Variants in ARHGAP23 observed in about 807,000 individuals in gnomAD.
The protein encoded by ARHGAP23 is rho GTPase-activating protein 23.
ARHGAP23 carries 34 observed loss-of-function variants against 136.3 expected under a neutral mutation model. The ratio of observed to expected loss-of-function variants is 0.25; its 90% confidence interval spans 0.19 to 0.33. The LOEUF is 0.33. Ranked by LOEUF, ARHGAP23 falls within the 10% of genes least tolerant of loss-of-function variation. ARHGAP23 has a pLI of 1.00. For missense variants in ARHGAP23, 1,808 were observed against 2,139.0 expected, an observed-to-expected ratio of 0.85 and a Z score of 3.05; for synonymous variants, 832 against 920.5, an observed-to-expected ratio of 0.90 and a Z score of 1.74.
chr17:38,453,477 A>C (rs868420518), intron 1 of ARHGAP23, among the ~76,000 whole-genome samples: 32 of 136,460 alleles, frequency 2.3e-4, no homozygotes, highest in Middle Eastern at 4.2e-3. Flanking sequence ...GCGCGCTGGA[A>C]GGGTGCAAGG....
At chr17:38,506,954 T>C (rs1355713896) in intron 23 of ARHGAP23, among the ~76,000 whole-genome samples, 2 of 152,138 alleles carry the variant, frequency 1.3e-5, no homozygotes, top group African/African-American at 4.8e-5. Context: ...GCTCCGTGTG[T>C]GTCGGATGAA....
intron 1 of ARHGAP23, chr17:38,453,602 T>C (rs1211014685): frequency 2.7e-5 from 4 of 146,460 alleles, no homozygotes; most frequent in Non-Finnish European, 6.0e-5. Context: ...GGGGTGTGAG[T>C]GTGAGATCTG....
intron 1 of ARHGAP23, among the ~76,000 whole-genome samples, chr17:38,439,663 A>G (rs1177961028): frequency 6.6e-6 from 1 of 152,208 alleles, no homozygotes; most frequent in African/African-American, 2.4e-5. Context: ...ATCTCTATTT[A>G]ATAACTGTGG....
Position 38,483,684 on chromosome 17 carries a change from G to A in ARHGAP23, c.2907+1006G>A, listed in dbSNP as rs1400176079. On this transcript the variant is annotated intron_variant, in intron 16 of 23. Coordinates refer to ENST00000622683, the MANE Select transcript of ARHGAP23 (RefSeq NM_001199417.2). ...CTTGGAGAATGAGGAGCTGAGACAA[G>A]TGTGTGTGAAATTGTGGACAAGAGA... Among the ~76,000 whole-genome samples, 10 of 152,256 alleles carry A rather than the reference G, an allele frequency of 6.6e-5. 1 individual carries two copies. Among genetic ancestry groups the A allele is most frequent in the Admixed American group, 5.2e-4 (8 of 15,280 alleles).
intron 17 of ARHGAP23, among the ~76,000 whole-genome samples, chr17:38,488,422 G>A (rs115431201): frequency 0.01 from 1,565 of 152,204 alleles, 20 homozygotes; most frequent in African/African-American, 0.036. Context: ...GTTGATTTGC[G>A]GGAGAAAAGC....
At chr17:38,456,774 G>A (rs138456444) in intron 1 of ARHGAP23, among the ~76,000 whole-genome samples, 1 of 152,276 alleles carries the variant, frequency 6.6e-6, no homozygotes, top group East Asian at 1.9e-4. Context: ...CTCAGGCACT[G>A]TTTTTCTTCT....
At chr17:38,484,110 C>T (rs1004916097) in intron 16 of ARHGAP23, among the ~76,000 whole-genome samples, 29 of 152,036 alleles carry the variant, frequency 1.9e-4, no homozygotes, top group African/African-American at 6.0e-4. Context: ...CCATTGGATA[C>T]GAATGCGGAG....
chr17:38,486,187 C>A, intron 17 of ARHGAP23, 47 bp downstream of exon 17: 1 of 1,471,876 alleles, frequency 6.8e-7, no homozygotes, highest in Non-Finnish European at 9.3e-7. Context: ...CCAGTCCGTG[C>A]CTCACCCTGA....
chr17:38,506,831 C>T (rs769162495), intron 23 of ARHGAP23, among the ~76,000 whole-genome samples: 32 of 152,276 alleles, frequency 2.1e-4, no homozygotes, highest in Non-Finnish European at 4.1e-4. Context: ...GTGAGTGAAA[C>T]CAGCTGATGA....
In ARHGAP23 at chr17:38,510,954, C is replaced by G; in HGVS notation, c.4458C>G (p.Arg1486=). The part of the protein sequence containing the change: ...SQPPRRSAAS[R]LHQCL ...CCCCGCGCCGCTCGGCCGCCTCCCG[C>G]CTGCATCAGTGTCTGTGATCCCCAC... The change falls in exon 24 of 24, where the codon CGC becomes CGG. Residue 1486 remains arginine, a synonymous_variant. Transcript: ENST00000622683. This position sits in a 1 kb window ranked among gnomAD's most constrained non-coding sequence, Gnocchi z 4.6. 1.4e-6 allele frequency: 2 copies of G among 1,456,908 alleles called. No individual in the cohort carries two copies. The highest frequency in any genetic ancestry group is 1.8e-6 in the Non-Finnish European group (2 of 1,116,752). The allele number at this position is 1,456,908 out of a possible 1,614,324, so 90.2% of individuals were successfully genotyped here. A position where few individuals can be genotyped will look rare whatever the true frequency, so the allele number is the denominator to read the frequency against.
chr17:38,479,161 C>A (rs1292707642), intron 12 of ARHGAP23, among the ~76,000 whole-genome samples: 1 of 152,162 alleles, frequency 6.6e-6, no homozygotes, highest in Non-Finnish European at 1.5e-5. Context: ...AGGACGGTGG[C>A]GAGTGCTGCA....
rs766343433 is a variant in ARHGAP23, at chr17:38,428,586, AGCT to A, written c.63+43_63+45del. On this transcript the variant is annotated intron_variant, in intron 1 of 23. Transcript: ENST00000622683. The stretch of plus-strand genomic sequence containing the variant: ...GGCCAGGGAAGTGGGCGGGGCCGGT[AGCT>A]GCTGGGGAGCGGGCTGCCAAGCCAG... The A allele has an allele frequency of 8.9e-6, 12 of 1,347,254 alleles. 1 individual carries two copies. The South Asian group carries it at 2.0e-4, about 22-fold the overall frequency. 83.5% of individuals were successfully genotyped at this position (1,347,254 alleles called of 1,614,324 possible).
chr17:38,477,250 G>A lies in ARHGAP23; in HGVS notation c.2119-329G>A, dbSNP rs550204905. 7.6e-4 allele frequency among the ~76,000 whole-genome samples: 116 copies of A among 152,122 alleles called. 1 individual carries two copies. The highest frequency in any genetic ancestry group is 2.5e-3 in the African/African-American group (104 of 41,492). ...GCGTGGGCTGGGAATGGCATCCCCA[G>A]GATTTCATGTATGGAGGGCCATGCT... is the stretch of plus-strand genomic sequence containing the variant. On this transcript the variant is annotated intron_variant, in intron 11 of 23. Transcript: ENST00000622683. This position sits in a 1 kb window ranked among gnomAD's most constrained non-coding sequence, Gnocchi z 6.6.
Position 38,510,948 on chromosome 17 carries a change from C to T in ARHGAP23, c.4452C>T (p.Ala1484=), listed in dbSNP as rs2040752314. The T allele has an allele frequency of 6.9e-7, 1 of 1,458,988 alleles. No individual in the cohort carries two copies. The highest frequency in any genetic ancestry group is 2.9e-5 in the East Asian group (1 of 34,822). The allele number at this position is 1,458,988 out of a possible 1,614,324, so 90.4% of individuals were successfully genotyped here. A position where few individuals can be genotyped will look rare whatever the true frequency, so the allele number is the denominator to read the frequency against. ...GCCAGCCCCCGCGCCGCTCGGCCGCCTCCCGCCTGCATCAGTGTCTGTGAT... is the reference window on the plus strand; with the variant it reads ...GCCAGCCCCCGCGCCGCTCGGCCGCTTCCCGCCTGCATCAGTGTCTGTGAT... ...LQSQPPRRSA[A]SRLHQCL is the part of the protein sequence containing the mutation. The change falls in exon 24 of 24, where the codon GCC becomes GCT. Residue 1484 remains alanine, a synonymous_variant. Transcript: ENST00000622683. The surrounding 1 kb of genome is among the most constrained non-coding windows in gnomAD (Gnocchi z 4.6).
intron 1 of ARHGAP23, among the ~76,000 whole-genome samples, chr17:38,434,728 C>T (rs1232466385): frequency 6.6e-6 from 1 of 152,250 alleles, no homozygotes; most frequent in African/African-American, 2.4e-5. Context: ...TGTCTCCTAT[C>T]TGACTTCTGT....
rs1306314077 is a variant in ARHGAP23, at chr17:38,453,460, T to TGC, written c.64-4631_64-4630dup. 6.9e-3 allele frequency among the ~76,000 whole-genome samples: 768 copies of TGC among 111,962 alleles called. 7 individuals are homozygous for TGC. Among genetic ancestry groups the TGC allele is most frequent in the Admixed American group, 8.3e-3 (103 of 12,338 alleles). 73.5% of individuals were successfully genotyped at this position (111,962 alleles called of 152,430 possible). A position where few individuals can be genotyped will look rare whatever the true frequency, so the allele number is the denominator to read the frequency against. ...GTGTGTGTGTGTGTGTGTGTGTGTG[T>TGC]GCGCGCGCGCGCTGGAAGGGTGCAA... On this transcript the variant is annotated intron_variant, in intron 1 of 23. Coordinates refer to ENST00000622683, the MANE Select transcript of ARHGAP23 (RefSeq NM_001199417.2).
At position 38,479,789 on chromosome 17, in the gene ARHGAP23, A is replaced by G. The variant is rs1235793276; in HGVS notation, c.2535A>G (p.Lys845=). Residue 845 remains lysine, a synonymous_variant, in exon 14 of 24, where the codon AAA becomes AAG. Coordinates refer to ENST00000622683, the MANE Select transcript of ARHGAP23 (RefSeq NM_001199417.2). ...GGCCCAAAGCTGATTCCTCCCCCAA[A>G]GGCTCTCGCGGCCTGGGGGGCCTCA... ...SSGPKADSSP[K]GSRGLGGLKS... is the part of the protein sequence containing the mutation. 3.3e-6 allele frequency: 5 copies of G among 1,508,488 alleles called. No homozygotes were observed. The highest frequency in any genetic ancestry group is 4.4e-6 in the Non-Finnish European group (5 of 1,125,728). The allele number at this position is 1,508,488 out of a possible 1,614,324, so 93.4% of individuals were successfully genotyped here.
upstream of ARHGAP23, among the ~76,000 whole-genome samples, chr17:38,425,603 A>C (rs1305470012): frequency 1.3e-5 from 2 of 152,042 alleles, no homozygotes; most frequent in Non-Finnish European, 2.9e-5. Flanking sequence ...AGGAGTTTGG[A>C]AAGAGGGGGA....
chr17:38,498,355 G>A (rs942910332), intron 21 of ARHGAP23, 59 bp from the exon 22 acceptor site: 1 of 1,390,908 alleles, frequency 7.2e-7, no homozygotes, highest in Admixed American at 2.2e-5. Context: ...ACCCCCCTCT[G>A]GGGGGTTGGC....
Sources: gnomAD v4.1 joint callset for allele counts (sites outside exome capture counted in the v4.1 genomes callset) on GRCh38, gnomAD v4.1.1 for gene constraint, Gnocchi (gnomAD v3.1) non-coding constraint, MANE v1.5 for transcripts, NCBI Gene and HGNC (gene_info 2026-07-23, HGNC 2026-07-21) for gene names.